SHISA9: variants seen among roughly 807,000 people sequenced by gnomAD.
SHISA9 encodes shisa family member 9.
In SHISA9, 13 loss-of-function variants were observed where a neutral mutation model predicts 38.0. That is an observed-to-expected ratio of 0.34 (90% CI 0.22 to 0.54). The LOEUF (loss-of-function observed/expected upper bound fraction) is 0.54. Among genes scored for constraint, SHISA9 ranks in the 20% least tolerant of loss-of-function variants. The pLI, the probability that SHISA9 is intolerant of heterozygous loss-of-function variation, is 0.91. For synonymous variants in SHISA9, 275 were observed against 242.0 expected (o/e 1.14, Z -1.27); for missense variants, 538 against 575.8 (o/e 0.93, Z 0.67).
At chr16:13,213,935 G>A (rs1286788382) in intron 4 of SHISA9, among the ~76,000 whole-genome samples, 1 of 152,176 alleles carries the variant, frequency 6.6e-6, no homozygotes, top group South Asian at 2.1e-4. Flanking sequence ...TGATCAGGCT[G>A]TGTAGGCATT....
intron 2 of SHISA9, among the ~76,000 whole-genome samples, chr16:12,977,561 C>T (rs1303460579): frequency 6.6e-6 from 1 of 152,160 alleles, no homozygotes; most frequent in Non-Finnish European, 1.5e-5. Flanking sequence ...GACATGGAAT[C>T]AACCCAAATG....
chr16:13,432,666 A>G, the SHISA9 span, among the ~76,000 whole-genome samples: 2 of 152,174 alleles, frequency 1.3e-5, no homozygotes, highest in Non-Finnish European at 2.9e-5. Context: ...AAAGCACAGG[A>G]GTGAAAGGCA....
the SHISA9 span, among the ~76,000 whole-genome samples, chr16:13,495,199 A>T: frequency 2.0e-5 from 3 of 152,182 alleles, no homozygotes; most frequent in Non-Finnish European, 4.4e-5. Flanking sequence ...TGATACACAT[A>T]TGCACACATG....
the SHISA9 span, among the ~76,000 whole-genome samples, chr16:13,308,260 C>T: frequency 6.6e-6 from 1 of 150,886 alleles, no homozygotes; most frequent in Non-Finnish European, 1.5e-5. Context: ...CCAGGCTCAT[C>T]CCCTTGGAAA....
At chr16:13,551,245 C>T in the SHISA9 span, among the ~76,000 whole-genome samples, 1 of 152,230 alleles carries the variant, frequency 6.6e-6, no homozygotes, top group East Asian at 1.9e-4. Flanking sequence ...CACAAATGTC[C>T]CAGATGCACA....
the SHISA9 span, among the ~76,000 whole-genome samples, chr16:13,326,458 T>C: frequency 6.6e-6 from 1 of 152,166 alleles, no homozygotes; most frequent in Non-Finnish European, 1.5e-5. Flanking sequence ...CAGTGGCTCA[T>C]GGTTGTAATC....
At chr16:12,988,066 C>G (rs11645093) in intron 2 of SHISA9, among the ~76,000 whole-genome samples, 28,068 of 152,132 alleles carry the variant, frequency 0.18, 3,368 homozygotes, top group Middle Eastern at 0.31. Context: ...GACAGCAAGA[C>G]CCTGAAGCCA....
chr16:12,913,800 T>A (rs983020479), intron 1 of SHISA9, among the ~76,000 whole-genome samples: 1 of 152,154 alleles, frequency 6.6e-6, no homozygotes, highest in Non-Finnish European at 1.5e-5. Flanking sequence ...TCACGGGGAA[T>A]AATATTTTCA....
intron 2 of SHISA9, among the ~76,000 whole-genome samples, chr16:12,921,908 A>G (rs2071333886): frequency 6.6e-6 from 1 of 152,176 alleles, no homozygotes; most frequent in Non-Finnish European, 1.5e-5. Flanking sequence ...ACATTATAAA[A>G]CTCCAAAACA....
Position 12,901,919 on chromosome 16 carries a change from G to C in SHISA9, c.-146G>C. On this transcript the variant is annotated 5_prime_UTR_variant, in exon 1 of 5. Coordinates refer to ENST00000558583, the MANE Select transcript of SHISA9 (RefSeq NM_001145204.3). ...CCGAGCGCAGTGGCCGCCGACCACC[G>C]AGCGCCCCGCGCCGCTCCCTGCATG... The C allele has an allele frequency of 2.2e-6, 1 of 456,008 alleles. No individual in the cohort carries two copies. Among genetic ancestry groups the C allele is most frequent in the East Asian group, 4.9e-5 (1 of 20,224 alleles). The allele number at this position is 456,008 out of a possible 1,614,324, so 28.2% of individuals were successfully genotyped here. A position where few individuals can be genotyped will look rare whatever the true frequency, so the allele number is the denominator to read the frequency against.
rs181345056 is a variant in SHISA9 at position 13,102,353 on chromosome 16, A to G, written c.692-101041A>G. 2.6e-5 allele frequency among the ~76,000 whole-genome samples: 4 copies of G among 152,198 alleles called. No individual in the cohort carries two copies. In the South Asian group the frequency reaches 8.3e-4, roughly 32 times the overall value. Reference sequence around the variant, plus strand: ...AATTACAAACAGATATAGGGCTGCTATTCTGGTAGAATTCTGAACTGTCCC... The same window carrying G: ...AATTACAAACAGATATAGGGCTGCTGTTCTGGTAGAATTCTGAACTGTCCC... On this transcript the variant is annotated intron_variant, in intron 2 of 4. Coordinates refer to ENST00000558583, the MANE Select transcript of SHISA9 (RefSeq NM_001145204.3).
the SHISA9 span, among the ~76,000 whole-genome samples, chr16:13,360,726 G>A: frequency 5.4e-4 from 82 of 152,280 alleles, no homozygotes; most frequent in East Asian, 0.013. Flanking sequence ...GTCAAGCCTC[G>A]CATAGGTGGA....
chr16:12,950,637 A>C (rs1474570586), intron 2 of SHISA9, among the ~76,000 whole-genome samples: 1 of 150,294 alleles, frequency 6.7e-6, no homozygotes, highest in African/African-American at 2.4e-5. Flanking sequence ...TTTGAGATGG[A>C]GTGTCACTGT....
At position 12,928,960 on chromosome 16, in the gene SHISA9, T is replaced by C. The variant is rs979654194; in HGVS notation, c.691+12145T>C. ...AGAAGTGGCTAATTTCAGATACTGG[T>C]ACTATTCTTTAAAAACATGTTTTAA... On this transcript the variant is annotated intron_variant, in intron 2 of 4. Coordinates refer to ENST00000558583, the MANE Select transcript of SHISA9 (RefSeq NM_001145204.3). 2.0e-5 allele frequency among the ~76,000 whole-genome samples: 3 copies of C among 152,312 alleles called. No homozygotes were observed. The East Asian group carries it at 5.8e-4, about 29-fold the overall frequency.
At chr16:13,440,851 G>A in the SHISA9 span, among the ~76,000 whole-genome samples, 34 of 152,142 alleles carry the variant, frequency 2.2e-4, no homozygotes, top group African/African-American at 7.7e-4. Flanking sequence ...GAACCCGGGA[G>A]GCAGAGATTG....
At chr16:13,110,262 A>AGCCTCCCATTCCTGCCAC (rs2073964749) in intron 2 of SHISA9, among the ~76,000 whole-genome samples, 1 of 152,190 alleles carries the variant, frequency 6.6e-6, no homozygotes, top group Non-Finnish European at 1.5e-5. Flanking sequence ...CATTCTGCCA[A>AGCCTCCCATTCCTGCCAC]GCCTCCCATT....
chr16:12,914,260 G>A (rs2071224953), intron 1 of SHISA9, among the ~76,000 whole-genome samples: 1 of 151,874 alleles, frequency 6.6e-6, no homozygotes, highest in Non-Finnish European at 1.5e-5. Context: ...TGGTCGGGCT[G>A]GTCTCGAACT....
At chr16:13,457,971 C>CCCTT in the SHISA9 span, among the ~76,000 whole-genome samples, 18 of 151,768 alleles carry the variant, frequency 1.2e-4, no homozygotes, top group African/African-American at 4.4e-4. Flanking sequence ...CTTTCTTCCT[C>CCCTT]CCTTCCTTCC....
At chr16:13,469,433 AAG>A in the SHISA9 span, among the ~76,000 whole-genome samples, 1 of 132,926 alleles carries the variant, frequency 7.5e-6, no homozygotes, top group Non-Finnish European at 1.7e-5. Context: ...AAAAGAAAGA[AAG>A]AGAAAGAAAG....
Sources: gnomAD v4.1 joint callset for allele counts (sites outside exome capture counted in the v4.1 genomes callset) on GRCh38, gnomAD v4.1.1 for gene constraint, MANE v1.5 for transcripts, NCBI Gene and HGNC (gene_info 2026-07-23, HGNC 2026-07-21) for gene names.